Variants in CXCL13 observed in about 807,000 individuals in gnomAD.
CXCL13 encodes the protein C-X-C motif chemokine ligand 13, also known as C-X-C motif chemokine 13.
In CXCL13, 7 loss-of-function variants were observed where a neutral mutation model predicts 12.2. The observed-to-expected ratio is 0.57, with a 90% CI of 0.33 to 1.07. The LOEUF is 1.07. Ranked by LOEUF, CXCL13 falls within the 50% of genes least tolerant of loss-of-function variation. The probability of loss-of-function intolerance (pLI) is 0.04; values close to 1 mark genes in which losing one functional copy is unlikely to be tolerated. For synonymous variants in CXCL13, 47 were observed against 42.4 expected, an observed-to-expected ratio of 1.11 and a Z score of -0.42; for missense variants, 113 against 127.4, an observed-to-expected ratio of 0.89 and a Z score of 0.55.
chr4:77,540,945 A>T (rs531123791), intron 1 of CXCL13, among the ~76,000 whole-genome samples: 2 of 152,278 alleles, frequency 1.3e-5, no homozygotes, highest in East Asian at 3.9e-4. Flanking sequence ...AATAGCAGCC[A>T]TTCTGACTGG....
intron 1 of CXCL13, among the ~76,000 whole-genome samples, chr4:77,530,075 C>T (rs868003365): frequency 2.7e-4 from 41 of 152,090 alleles, no homozygotes; most frequent in African/African-American, 5.6e-4. Flanking sequence ...TGCTGGATTA[C>T]GTTTATTGAT....
At chr4:77,585,519 A>C (rs1302294802) in intron 1 of CXCL13, among the ~76,000 whole-genome samples, 1 of 152,196 alleles carries the variant, frequency 6.6e-6, no homozygotes, top group African/African-American at 2.4e-5. Flanking sequence ...CAGTCTGGGT[A>C]ACAAAGCCTT....
At chr4:77,519,299 G>T (rs1316574432) in intron 1 of CXCL13, among the ~76,000 whole-genome samples, 1 of 152,188 alleles carries the variant, frequency 6.6e-6, no homozygotes, top group African/African-American at 2.4e-5. Context: ...TGCGTGCTGG[G>T]AGAACCACTG....
chr4:77,531,848 A>G (rs1204043672), intron 1 of CXCL13, among the ~76,000 whole-genome samples: 2 of 152,132 alleles, frequency 1.3e-5, no homozygotes, highest in Non-Finnish European at 2.9e-5. Flanking sequence ...AGTCTGTTTT[A>G]CCAGAGACTA....
intron 1 of CXCL13, among the ~76,000 whole-genome samples, chr4:77,547,159 C>T (rs1251702566): frequency 1.3e-5 from 2 of 152,034 alleles, no homozygotes; most frequent in Non-Finnish European, 2.9e-5. Context: ...TTTACTTCCA[C>T]CTATGTGGTC....
chr4:77,589,605 G>C (rs1199464576), intron 1 of CXCL13, among the ~76,000 whole-genome samples: 1 of 151,934 alleles, frequency 6.6e-6, no homozygotes, highest in South Asian at 2.1e-4. Context: ...CCCAGTTTTA[G>C]ACATCCATTA....
intron 1 of CXCL13, among the ~76,000 whole-genome samples, chr4:77,557,552 C>T (rs926056685): frequency 6.6e-6 from 1 of 152,226 alleles, no homozygotes; most frequent in Non-Finnish European, 1.5e-5. Context: ...TATTAATCAG[C>T]TCCACAATTC....
chr4:77,520,791 G>A (rs1040775378), intron 1 of CXCL13, among the ~76,000 whole-genome samples: 7 of 152,182 alleles, frequency 4.6e-5, no homozygotes, highest in Non-Finnish European at 1.0e-4. Context: ...TCTGTCTTGT[G>A]CCAGTTTTCA....
rs564917359 is a variant in CXCL13, at chr4:77,513,905, C to A, written c.-43+2117C>A. 1.0e-3 allele frequency among the ~76,000 whole-genome samples: 156 copies of A among 151,790 alleles called. 1 individual carries two copies. Among genetic ancestry groups the A allele is most frequent in the Non-Finnish European group, 1.9e-3 (128 of 67,976 alleles). ...GTGACATACTGGTGTGCTGCAACCA[C>A]TAACTCGTCATCTAGCATTAGGTAT... is the stretch of plus-strand genomic sequence containing the variant. On this transcript the variant is annotated intron_variant, in intron 1 of 4. Coordinates refer to the CXCL13 transcript ENST00000286758.
chr4:77,607,755 C>G lies in CXCL13; in HGVS notation c.117C>G (p.Ser39Arg). The G allele has an allele frequency of 6.2e-7, 1 of 1,613,448 alleles. No individual in the cohort carries two copies. Residue 39 changes from serine to arginine, a missense_variant, in exon 2 of 4, where the codon AGC becomes AGG. Transcript: ENST00000682537. ...TSLRCRCVQE[S>R]SVFIPRRFID... ...TGAGGTGTAGATGTGTCCAAGAGAG[C>G]TCAGTCTTTATCCCTAGACGCTTCA...
chr4:77,531,178 G>T (rs1015535837), intron 1 of CXCL13, among the ~76,000 whole-genome samples: 3 of 148,826 alleles, frequency 2.0e-5, no homozygotes, highest in Non-Finnish European at 1.5e-5. Context: ...CAACGTGCTG[G>T]TTTGTTACAT....
rs141907740 is a variant in CXCL13 at position 77,519,347 on chromosome 4, C to T, written c.-43+7559C>T. Among the ~76,000 whole-genome samples, 1,150 of 152,254 alleles carry T rather than the reference C, an allele frequency of 7.6e-3. 14 individuals are homozygous for T. The highest frequency in any genetic ancestry group is 0.025 in the African/African-American group (1,036 of 41,538). On this transcript the variant is annotated intron_variant, in intron 1 of 4. Transcript: ENST00000286758. ...CTCAGATGGAAATGCAGAAATCACCCGTCTTCTGCGTCACTCACGCTGGGA... is the reference window on the plus strand; with the variant it reads ...CTCAGATGGAAATGCAGAAATCACCTGTCTTCTGCGTCACTCACGCTGGGA...
intron 1 of CXCL13, among the ~76,000 whole-genome samples, chr4:77,585,438 T>C (rs1726433103): frequency 6.6e-6 from 1 of 152,240 alleles, no homozygotes; most frequent in Admixed American, 6.5e-5. Flanking sequence ...AAAGCTGCAC[T>C]ACTGATTCCT....
intron 1 of CXCL13, among the ~76,000 whole-genome samples, chr4:77,562,964 C>G (rs1725847536): frequency 6.6e-6 from 1 of 152,130 alleles, no homozygotes; most frequent in African/African-American, 2.4e-5. Context: ...TGGCAACCCC[C>G]ATGGGTCCCC....
At chr4:77,518,557 G>A (rs1399278776) in intron 1 of CXCL13, among the ~76,000 whole-genome samples, 1 of 151,876 alleles carries the variant, frequency 6.6e-6, no homozygotes, top group Non-Finnish European at 1.5e-5. Flanking sequence ...ATCTTCCATT[G>A]CTGATACCCT....
chr4:77,600,925 A>G (rs747957422), upstream of CXCL13, among the ~76,000 whole-genome samples: 1 of 152,222 alleles, frequency 6.6e-6, no homozygotes, highest in Non-Finnish European at 1.5e-5. Flanking sequence ...ATATTTTTAA[A>G]GCAATAAGTC....
At chr4:77,591,868 C>T (rs867578072) in intron 1 of CXCL13, among the ~76,000 whole-genome samples, 1 of 152,222 alleles carries the variant, frequency 6.6e-6, no homozygotes, top group African/African-American at 2.4e-5. Context: ...GGCATCAGGA[C>T]ATCTAGATTT....
At position 77,593,550 on chromosome 4, in the gene CXCL13, A is replaced by G. The variant is rs533039076; in HGVS notation, c.-42-12274A>G. On this transcript the variant is annotated intron_variant, in intron 1 of 4. Coordinates refer to the CXCL13 transcript ENST00000286758. ...ATGGAAATGCATAAGCGGAGCAATG[A>G]TGAGATAGAAAACTACCTTAAATTT... Among the ~76,000 whole-genome samples the G allele has an allele frequency of 9.2e-5, 14 of 152,398 alleles. No individual in the cohort carries two copies. In the South Asian group the frequency reaches 2.9e-3, roughly 32 times the overall value.
chr4:77,557,031 TA>T (rs1725675490), intron 1 of CXCL13, among the ~76,000 whole-genome samples: 1 of 131,770 alleles, frequency 7.6e-6, no homozygotes. Flanking sequence ...CTCTAAAAAA[TA>T]AAAGAGAGAG....
Sources: allele counts gnomAD v4.1 joint callset (sites outside exome capture counted in the v4.1 genomes callset), GRCh38; gene constraint gnomAD v4.1.1; transcripts MANE v1.5; gene names NCBI Gene and HGNC (gene_info 2026-07-23, HGNC 2026-07-21).